PLXNA4: variants seen among roughly 807,000 people sequenced by gnomAD.
PLXNA4 encodes the protein plexin-A4.
A neutral mutation model predicts 191.8 loss-of-function variants in PLXNA4; 44 were observed. That is an observed-to-expected ratio of 0.23 (90% confidence interval 0.18 to 0.29). The LOEUF is 0.29. PLXNA4 is among the 10% of genes least tolerant of loss of function. The probability of loss-of-function intolerance (pLI) is 1.00; values close to 1 mark genes in which losing one functional copy is unlikely to be tolerated. For synonymous variants in PLXNA4, 1,082 were observed against 1,009.5 expected (o/e 1.07, Z -1.36); for missense variants, 1,800 against 2,488.8 (o/e 0.72, Z 5.89).
intron 3 of PLXNA4, among the ~76,000 whole-genome samples, chr7:132,360,775 A>G (rs1316796168): frequency 6.6e-6 from 1 of 152,140 alleles, no homozygotes; most frequent in African/African-American, 2.4e-5. Context: ...TGCCCTCTGC[A>G]TTGGGCTGGC....
At chr7:132,585,304 A>G (rs940530936) in intron 2 of PLXNA4, among the ~76,000 whole-genome samples, 1 of 152,212 alleles carries the variant, frequency 6.6e-6, no homozygotes, top group African/African-American at 2.4e-5. Flanking sequence ...GGCCAAAAAT[A>G]GGATGATGCC....
rs76762251 is a variant in PLXNA4 at position 132,126,278 on chromosome 7, C to T, written c.*4201G>A. 559 of 152,504 alleles carry T rather than the reference C, an allele frequency of 3.7e-3. No individual in the cohort carries two copies. Among genetic ancestry groups the T allele is most frequent in the Non-Finnish European group, 5.2e-3 (353 of 68,310 alleles). 9.4% of individuals were successfully genotyped at this position (152,504 alleles called of 1,614,324 possible). ...GGGGACCCATAGGGCCTTGGCTAGA[C>T]GAGGGAGCTCCTACAGCCAGGAAGG... On this transcript the variant is annotated 3_prime_UTR_variant, in exon 32 of 32. Coordinates refer to ENST00000321063, the MANE Select transcript of PLXNA4 (RefSeq NM_020911.2).
intron 3 of PLXNA4, among the ~76,000 whole-genome samples, chr7:132,388,031 G>A (rs28593528): frequency 0.077 from 11,672 of 152,080 alleles, 478 homozygotes; most frequent in Middle Eastern, 0.088. Flanking sequence ...AATTCCCACC[G>A]ACCAGCAGCC....
In PLXNA4 at chr7:132,241,037, G is replaced by A. The variant is rs1798859348; in HGVS notation, c.1604+29C>T. On this transcript the variant is annotated intron_variant, in intron 5 of 31. Coordinates refer to ENST00000321063, the MANE Select transcript of PLXNA4 (RefSeq NM_020911.2). The stretch of plus-strand genomic sequence containing the variant: ...GGGAATTACCAGGAGGAAGTGGGAG[G>A]CACGAGGCAGCCTCCCCATGGTACT... 5.2e-6 allele frequency: 8 copies of A among 1,539,704 alleles called. 1 individual carries two copies. In the South Asian group the frequency reaches 6.0e-5, roughly 12 times the overall value.
chr7:132,141,964 A>G (rs1795283751), intron 29 of PLXNA4, among the ~76,000 whole-genome samples: 1 of 152,152 alleles, frequency 6.6e-6, no homozygotes, highest in African/African-American at 2.4e-5. Flanking sequence ...TCCTGATCTC[A>G]GTTGATCTGC....
chr7:132,636,677 C>T (rs1287151126), intron 2 of PLXNA4, among the ~76,000 whole-genome samples: 1 of 152,180 alleles, frequency 6.6e-6, no homozygotes, highest in Non-Finnish European at 1.5e-5. Context: ...GGTCAGATTT[C>T]ATATGATGCC....
At chr7:132,587,831 C>T (rs1038251459) in intron 2 of PLXNA4, among the ~76,000 whole-genome samples, 2 of 151,712 alleles carry the variant, frequency 1.3e-5, no homozygotes. Flanking sequence ...TGGTGCTGGT[C>T]CATATGAATT....
intron 2 of PLXNA4, among the ~76,000 whole-genome samples, chr7:132,631,377 T>A (rs1220453703): frequency 1.3e-5 from 2 of 152,018 alleles, no homozygotes; most frequent in Admixed American, 1.3e-4. Context: ...CTGGGCCCAG[T>A]AGCTGGCTTC....
intron 3 of PLXNA4, among the ~76,000 whole-genome samples, chr7:132,393,118 C>T (rs1363678447): frequency 6.6e-6 from 1 of 151,986 alleles, no homozygotes; most frequent in African/African-American, 2.4e-5. Context: ...ATCCTTTTCG[C>T]TGGAAATGTT....
chr7:132,419,924 T>C (rs1447472147), intron 3 of PLXNA4, among the ~76,000 whole-genome samples: 1 of 152,238 alleles, frequency 6.6e-6, no homozygotes, highest in African/African-American at 2.4e-5. Context: ...TTCTTTTTTT[T>C]TTAAATCATT....
intron 4 of PLXNA4, among the ~76,000 whole-genome samples, chr7:132,260,650 C>A (rs1349280975): frequency 6.6e-6 from 1 of 150,898 alleles, no homozygotes; most frequent in Non-Finnish European, 1.5e-5. Flanking sequence ...CTTGCACATA[C>A]ATGTGTTGAA....
chr7:132,635,908 C>T (rs911758014), intron 2 of PLXNA4, among the ~76,000 whole-genome samples: 4 of 152,130 alleles, frequency 2.6e-5, no homozygotes, highest in South Asian at 2.1e-4. Flanking sequence ...AAATGAATGG[C>T]ATGTATTTAT....
chr7:132,502,222 A>C (rs962716428), intron 2 of PLXNA4, among the ~76,000 whole-genome samples: 2 of 152,172 alleles, frequency 1.3e-5, no homozygotes, highest in Non-Finnish European at 2.9e-5. Flanking sequence ...GGCCAGCCCA[A>C]GTCCAAGGGG....
chr7:132,210,055 C>A (rs1797745896), intron 10 of PLXNA4, among the ~76,000 whole-genome samples: 1 of 152,152 alleles, frequency 6.6e-6, no homozygotes, highest in Admixed American at 6.5e-5. Flanking sequence ...TATGTCTCAC[C>A]CCACAAATCT....
At chr7:132,619,636 C>G (rs1803222616) in intron 2 of PLXNA4, among the ~76,000 whole-genome samples, 1 of 152,224 alleles carries the variant, frequency 6.6e-6, no homozygotes, top group South Asian at 2.1e-4. Flanking sequence ...ATTCATGGCT[C>G]CATTTCAGTT....
chr7:132,139,663 G>A (rs994516805), intron 30 of PLXNA4, among the ~76,000 whole-genome samples: 32 of 152,304 alleles, frequency 2.1e-4, no homozygotes, highest in African/African-American at 7.0e-4. Context: ...ACCATACAGA[G>A]GCACCATATG....
rs565065266 is a variant in PLXNA4 at position 132,158,696 on chromosome 7, T to TGACGGCACCAGGACTC, written c.4660+761_4660+776dup. Among the ~76,000 whole-genome samples, 275 of 152,334 alleles carry TGACGGCACCAGGACTC rather than the reference T, an allele frequency of 1.8e-3. 1 individual carries two copies. Among genetic ancestry groups the TGACGGCACCAGGACTC allele is most frequent in the African/African-American group, 6.4e-3 (264 of 41,574 alleles). ...TGACCAGGGACACACAGCTAGGACT[T>TGACGGCACCAGGACTC]GACGGCACCAGGACTCAAATCTAGA... is the stretch of plus-strand genomic sequence containing the variant. On this transcript the variant is annotated intron_variant, in intron 25 of 31. Coordinates refer to ENST00000321063, the MANE Select transcript of PLXNA4 (RefSeq NM_020911.2).
chr7:132,528,818 G>A lies in PLXNA4; in HGVS notation c.-86-20039C>T, dbSNP rs143361808. Among the ~76,000 whole-genome samples, 3 of 152,270 alleles carry A rather than the reference G, an allele frequency of 2.0e-5. No homozygotes were observed. The East Asian group carries it at 5.8e-4, about 29-fold the overall frequency. On this transcript the variant is annotated intron_variant, in intron 1 of 31. Transcript: ENST00000321063. ...CTGCTGAATGACCAGTTTTAGAGCC[G>A]CCCAACTTGGGTCTTCTTGTGTGAG... is the stretch of plus-strand genomic sequence containing the variant.
chr7:132,193,321 G>A (rs546866004), intron 14 of PLXNA4, among the ~76,000 whole-genome samples: 9 of 152,318 alleles, frequency 5.9e-5, no homozygotes, highest in East Asian at 5.8e-4. Flanking sequence ...CAGCAAGAAG[G>A]CACTTGCCAG....
Sources: gnomAD v4.1 joint callset for allele counts (sites outside exome capture counted in the v4.1 genomes callset) on GRCh38, gnomAD v4.1.1 for gene constraint, MANE v1.5 for transcripts, NCBI Gene and HGNC (gene_info 2026-07-23, HGNC 2026-07-21) for gene names.